Variants in WASHC4 observed in about 807,000 individuals in gnomAD.
The protein encoded by WASHC4 is WASH complex subunit 4, also known as WASH complex subunit 7.
WASHC4 carries 86 observed loss-of-function variants against 166.6 expected under a neutral mutation model. The observed-to-expected ratio is 0.52, with a 90% confidence interval of 0.43 to 0.62. The LOEUF is 0.62. Among genes scored for constraint, WASHC4 ranks in the 20% least tolerant of loss-of-function variants. The probability of loss-of-function intolerance (pLI) is 0.00; values close to 1 mark genes in which losing one functional copy is unlikely to be tolerated. For synonymous variants in WASHC4, 446 were observed against 451.6 expected, an observed-to-expected ratio of 0.99 and a Z score of 0.16; for missense variants, 1,262 against 1,382.4, an observed-to-expected ratio of 0.91 and a Z score of 1.38.
chr12:105,122,215 T>C lies in WASHC4; in HGVS notation c.763T>C (p.Leu255=). ...EKFLLKLEGQ[L]LDGMIFQACI... Reference sequence around the variant, plus strand: ...GTTCTTGCTGAAGCTAGAAGGGCAATTACTGGATGGAATGATATTCCAGGT... The same window carrying C: ...GTTCTTGCTGAAGCTAGAAGGGCAACTACTGGATGGAATGATATTCCAGGT... The change falls in exon 10 of 33, where the codon TTA becomes CTA. Residue 255 remains leucine, a synonymous_variant. Coordinates refer to ENST00000332180, the MANE Select transcript of WASHC4 (RefSeq NM_015275.3). The C allele has an allele frequency of 6.2e-7, 1 of 1,612,854 alleles. No homozygotes were observed. Among genetic ancestry groups the C allele is most frequent in the Non-Finnish European group, 8.5e-7 (1 of 1,179,602 alleles).
chr12:105,139,425 G>GTGTGTGTATATATATA, intron 15 of WASHC4, among the ~76,000 whole-genome samples: 5 of 103,186 alleles, frequency 4.8e-5, no homozygotes, highest in African/African-American at 1.4e-4. Flanking sequence ...ATGTGTGTGT[G>GTGTGTGTATATATATA]TATATATATA....
intron 28 of WASHC4, 73 bp downstream of exon 28, chr12:105,157,395 T>G: frequency 1.2e-6 from 1 of 841,798 alleles, no homozygotes; most frequent in African/African-American, 1.7e-5. Flanking sequence ...GAGGGTAATA[T>G]GTAATTTTTA....
rs1266642164 is a variant in WASHC4, at chr12:105,127,307, G to A, written c.1199+18G>A. 3 of 1,513,740 alleles carry A rather than the reference G, an allele frequency of 2.0e-6. No homozygotes were observed. The highest frequency in any genetic ancestry group is 1.7e-5 in the Admixed American group (1 of 59,824). 93.8% of individuals were successfully genotyped at this position (1,513,740 alleles called of 1,614,324 possible). ...CTTACCAAGTAGGTTTTATAAACAA[G>A]TATAATGAAAATATTTAGATATCCT... On this transcript the variant is annotated intron_variant, in intron 13 of 32. Coordinates refer to ENST00000332180, the MANE Select transcript of WASHC4 (RefSeq NM_015275.3).
chr12:105,114,068 T>C, intron 2 of WASHC4, 148 bp from the exon 3 acceptor site: 1 of 665,310 alleles, frequency 1.5e-6, no homozygotes, highest in Non-Finnish European at 2.6e-6. Context: ...AATGAGATTG[T>C]TTTGGATGAA....
chr12:105,126,833 T>C (rs1881330656), intron 12 of WASHC4, among the ~76,000 whole-genome samples: 1 of 152,056 alleles, frequency 6.6e-6, no homozygotes, highest in African/African-American at 2.4e-5. Flanking sequence ...CTAAAAGACA[T>C]GAAGATTCAA....
In WASHC4 at chr12:105,160,059, T is replaced by A; in HGVS notation, c.2971T>A (p.Phe991Ile). 1 of 1,613,922 alleles carries A rather than the reference T, an allele frequency of 6.2e-7. No homozygotes were observed. The highest frequency in any genetic ancestry group is 2.2e-5 in the East Asian group (1 of 44,866). Reference sequence around the variant, plus strand: ...AAATTCTGCCGAAGGCACAGAATATTTCAAAATGCTTGTAGACGTTTTTGC... The same window carrying A: ...AAATTCTGCCGAAGGCACAGAATATATCAAAATGCTTGTAGACGTTTTTGC... ...TRNSAEGTEY[F>I]KMLVDVFAPE... is the part of the protein sequence containing the mutation. The change falls in exon 29 of 33, where the codon TTC becomes ATC. Residue 991 changes from phenylalanine (F) to isoleucine (I), a missense_variant. By Grantham distance (21) the Phe-to-Ile change is conservative. Coordinates refer to ENST00000332180, the MANE Select transcript of WASHC4 (RefSeq NM_015275.3).
intron 24 of WASHC4, chr12:105,149,104 G>A (rs1592904042): frequency 1.0e-6 from 1 of 985,206 alleles, no homozygotes; most frequent in African/African-American, 1.7e-5. Flanking sequence ...TGTCTAGCAT[G>A]GGAGAAGGCA....
intron 26 of WASHC4, among the ~76,000 whole-genome samples, chr12:105,156,047 G>A (rs1297851187): frequency 1.3e-5 from 2 of 152,156 alleles, no homozygotes; most frequent in Non-Finnish European, 2.9e-5. Flanking sequence ...TGAATGAAAA[G>A]TGGGTGGATT....
At chr12:105,142,369 T>C (rs961061699) in intron 18 of WASHC4, 84 bp from the exon 19 acceptor site, 6 of 808,144 alleles carry the variant, frequency 7.4e-6, no homozygotes, top group Non-Finnish European at 1.3e-5. Context: ...ATGGAACTCT[T>C]CCTTCTGTAG....
chr12:105,154,752 A>G (rs1884018176), intron 26 of WASHC4, among the ~76,000 whole-genome samples: 1 of 152,226 alleles, frequency 6.6e-6, no homozygotes. Context: ...GGGAGACCAG[A>G]TTTGAACCCA....
rs746641611 is a variant in WASHC4, at chr12:105,111,236, A to G, written c.173A>G (p.Asp58Gly). Residue 58 changes from aspartate to glycine, a missense_variant, in exon 2 of 33, where the codon GAT (aspartate) becomes GGT (glycine). Transcript: ENST00000332180. ...GATGACTCAATTGGAGATGTTTGGGATTTCAATCTTGATCCTATAGCATTA... is the reference window on the plus strand; with the variant it reads ...GATGACTCAATTGGAGATGTTTGGGGTTTCAATCTTGATCCTATAGCATTA... ...ALDDSIGDVW[D>G]FNLDPIALKL... is the part of the protein sequence containing the mutation. 1.9e-6 allele frequency: 3 copies of G among 1,610,092 alleles called. No homozygotes were observed. The African/African-American group carries it at 4.0e-5, about 22-fold the overall frequency.
chr12:105,138,111 A>G (rs933207518), intron 15 of WASHC4, 100 bp downstream of exon 15: 5 of 1,211,548 alleles, frequency 4.1e-6, no homozygotes, highest in Non-Finnish European at 5.7e-6. Flanking sequence ...TTATATGAGA[A>G]CAGAAAATTG....
chr12:105,149,874 C>G, intron 25 of WASHC4, 125 bp downstream of exon 25: 1 of 941,930 alleles, frequency 1.1e-6, no homozygotes, highest in Non-Finnish European at 1.5e-6. Context: ...TAATTTCTTA[C>G]TCTGCATTAT....
intron 26 of WASHC4, among the ~76,000 whole-genome samples, chr12:105,154,356 A>G (rs1883990355): frequency 6.6e-6 from 1 of 152,148 alleles, no homozygotes. Flanking sequence ...TCTGCTTATA[A>G]AACACTGTAA....
intron 7 of WASHC4, among the ~76,000 whole-genome samples, chr12:105,119,096 A>G (rs1404864084): frequency 6.6e-6 from 1 of 152,206 alleles, no homozygotes; most frequent in Admixed American, 6.5e-5. Flanking sequence ...CATCCGGAGG[A>G]AACAGATACC....
intron 13 of WASHC4, among the ~76,000 whole-genome samples, chr12:105,130,950 T>G (rs1195916004): frequency 1.3e-5 from 2 of 152,204 alleles, no homozygotes; most frequent in Non-Finnish European, 2.9e-5. Context: ...TACCTTGGTA[T>G]TTTTCCTGTT....
chr12:105,144,136 T>G, intron 20 of WASHC4, 151 bp from the exon 21 acceptor site: 1 of 630,270 alleles, frequency 1.6e-6, no homozygotes, highest in Non-Finnish European at 2.8e-6. Context: ...AGTATTAACC[T>G]TAAGGTATTG....
rs1209544658 is a variant in WASHC4 at position 105,133,781 on chromosome 12, C to T, written c.1211C>T (p.Ser404Phe). Residue 404 changes from serine to phenylalanine, a missense_variant, in exon 14 of 33, where the codon TCT (serine) becomes TTT (phenylalanine). Coordinates refer to ENST00000332180, the MANE Select transcript of WASHC4 (RefSeq NM_015275.3). ...TTTTCCTTTGTTAGAGATGTACAGT[C>T]TTACTACGTCTTTGTGAGCTCATGG... ...KAQSLTKDVQ[S>F]YYVFVSSWMM... The T allele has an allele frequency of 1.2e-6, 2 of 1,612,230 alleles. No homozygotes were observed. Among genetic ancestry groups the T allele is most frequent in the Non-Finnish European group, 1.7e-6 (2 of 1,178,708 alleles).
chr12:105,147,099 A>G lies in WASHC4; in HGVS notation c.2467A>G (p.Ile823Val). Residue 823 changes from isoleucine (I) to valine (V), a missense_variant, in exon 24 of 33, where the codon ATT becomes GTT. Coordinates refer to ENST00000332180, the MANE Select transcript of WASHC4 (RefSeq NM_015275.3). ...KHLNTINIRH[I>V]ANSIRTHGTG... ...TTTGAATACTATTAATATTCGGCAT[A>G]TTGCTAATTCAATTCGAACACATGG... 1.2e-6 allele frequency: 2 copies of G among 1,612,082 alleles called. No individual in the cohort carries two copies. Among genetic ancestry groups the G allele is most frequent in the African/African-American group, 2.7e-5 (2 of 75,008 alleles).
Sources: allele counts gnomAD v4.1 joint callset (sites outside exome capture counted in the v4.1 genomes callset), GRCh38; gene constraint gnomAD v4.1.1; transcripts MANE v1.5; gene names NCBI Gene and HGNC (gene_info 2026-07-23, HGNC 2026-07-21).